The following ZC3H7B variants were observed in gnomAD, a reference collection of about 807,000 sequenced individuals.
ZC3H7B encodes zinc finger CCCH domain-containing protein 7B.
In ZC3H7B, 35 loss-of-function variants were observed where a neutral mutation model predicts 116.0. The ratio of observed to expected loss-of-function variants is 0.30; its 90% CI spans 0.23 to 0.40. The LOEUF (loss-of-function observed/expected upper bound fraction) is 0.40. Among genes scored for constraint, ZC3H7B ranks in the 10% least tolerant of loss-of-function variants. ZC3H7B has a pLI of 1.00. For missense variants in ZC3H7B, 1,011 were observed against 1,321.5 expected, an observed-to-expected ratio of 0.77 and a Z score of 3.64; for synonymous variants, 502 against 545.6, an observed-to-expected ratio of 0.92 and a Z score of 1.11.
At chr22:41,317,381 C>A (rs1325956063) in intron 1 of ZC3H7B, among the ~76,000 whole-genome samples, 1 of 152,088 alleles carries the variant, frequency 6.6e-6, no homozygotes. Context: ...TGAATCATAA[C>A]CTGATTTAAC....
intron 6 of ZC3H7B, among the ~76,000 whole-genome samples, chr22:41,330,531 C>T (rs775024063): frequency 1.3e-5 from 2 of 152,214 alleles, no homozygotes; most frequent in East Asian, 1.9e-4. Flanking sequence ...ACTCGTGACT[C>T]GAGTCTCTGC....
Position 41,349,442 on chromosome 22 carries a change from A to G in ZC3H7B, c.1948+141A>G. The G allele has an allele frequency of 8.9e-7, 1 of 1,127,084 alleles. No homozygotes were observed. The highest frequency in any genetic ancestry group is 2.6e-5 in the East Asian group (1 of 38,648). 69.8% of individuals were successfully genotyped at this position (1,127,084 alleles called of 1,614,324 possible). On this transcript the variant is annotated intron_variant, in intron 16 of 22. Transcript: ENST00000352645. The surrounding 1 kb of genome is among the most constrained non-coding windows in gnomAD (Gnocchi z 4.9). ...AGGGGGCTTCGGGAGAGTTCAGGAG[A>G]GGTGGCTGCGGGGTGGGCTCTCTGT... is the stretch of plus-strand genomic sequence containing the variant.
chr22:41,337,416 C>T (rs1338886868), intron 7 of ZC3H7B, among the ~76,000 whole-genome samples: 1 of 152,126 alleles, frequency 6.6e-6, no homozygotes, highest in Non-Finnish European at 1.5e-5. Flanking sequence ...TCATTTCATC[C>T]TGATAGCCTT....
intron 1 of ZC3H7B, among the ~76,000 whole-genome samples, chr22:41,312,415 A>G (rs1314667716): frequency 6.8e-6 from 1 of 147,642 alleles, no homozygotes; most frequent in Non-Finnish European, 1.5e-5. Context: ...CAGCCTGGGC[A>G]ACAGAGTGAG....
intron 1 of ZC3H7B, among the ~76,000 whole-genome samples, chr22:41,304,002 C>T (rs914237067): frequency 6.6e-6 from 1 of 152,204 alleles, no homozygotes; most frequent in South Asian, 2.1e-4. Context: ...CGTGATCCAG[C>T]CACTTCGGCC....
intron 1 of ZC3H7B, among the ~76,000 whole-genome samples, chr22:41,303,622 T>C (rs1256569542): frequency 2.0e-5 from 3 of 152,230 alleles, no homozygotes; most frequent in African/African-American, 7.2e-5. Flanking sequence ...TAAGAAACCT[T>C]AGGCCGAATT....
At chr22:41,353,709 G>A (rs1021213024) in intron 17 of ZC3H7B, among the ~76,000 whole-genome samples, 5 of 152,196 alleles carry the variant, frequency 3.3e-5, no homozygotes, top group African/African-American at 7.2e-5. Context: ...GCAGGCTGCC[G>A]GGGGGTCCCT....
At chr22:41,355,901 G>A in intron 19 of ZC3H7B, 39 bp downstream of exon 19, 1 of 1,610,854 alleles carries the variant, frequency 6.2e-7, no homozygotes, top group Non-Finnish European at 8.5e-7. Flanking sequence ...CCCCCAGGAG[G>A]CAGCGATGCT....
At chr22:41,328,993 C>A (rs1044149975) in intron 5 of ZC3H7B, among the ~76,000 whole-genome samples, 4 of 147,882 alleles carry the variant, frequency 2.7e-5, no homozygotes, top group African/African-American at 1.0e-4. Flanking sequence ...TCAAGACCAG[C>A]CTGGCCAACA....
Position 41,346,876 on chromosome 22 carries a change from T to C in ZC3H7B, c.1665+668T>C, listed in dbSNP as rs1200613460. On this transcript the variant is annotated intron_variant, in intron 14 of 22. Transcript: ENST00000352645. This position sits in a 1 kb window ranked among gnomAD's most constrained non-coding sequence, Gnocchi z 5.3. ...TACTCAGGAGGCTAAGGTGGGAGGA[T>C]TGATTGCTTGCGTCCAGGAGGTAGA... 6.6e-6 allele frequency among the ~76,000 whole-genome samples: 1 copy of C among 151,468 alleles called. No individual in the cohort carries two copies. Among genetic ancestry groups the C allele is most frequent in the African/African-American group, 2.4e-5 (1 of 41,160 alleles).
At chr22:41,320,594 T>C in intron 1 of ZC3H7B, 61 bp from the exon 2 acceptor site, 1 of 1,594,812 alleles carries the variant, frequency 6.3e-7, no homozygotes, top group South Asian at 1.1e-5. Context: ...CACGAAGTGG[T>C]GGTGGCTGAC....
chr22:41,357,416 C>G lies in ZC3H7B; in HGVS notation c.2921C>G (p.Thr974Ser). 1 of 1,612,994 alleles carries G rather than the reference C, an allele frequency of 6.2e-7. No homozygotes were observed. The highest frequency in any genetic ancestry group is 1.1e-5 in the South Asian group (1 of 91,060). Residue 974 changes from threonine (T) to serine (S), a missense_variant, in exon 23 of 23, where the codon ACC (threonine) becomes AGC (serine). Physicochemically the swap from Thr to Ser is moderately conservative, Grantham distance 58 (BLOSUM62 1). This residue lies in a region of ZC3H7B where 406 missense variants were observed against 590.2 expected (regional missense o/e 0.69). Coordinates refer to ENST00000352645, the MANE Select transcript of ZC3H7B (RefSeq NM_017590.6). This position sits in a 1 kb window ranked among gnomAD's most constrained non-coding sequence, Gnocchi z 5.4. ...GCCCCTGCTGCTGCTGCCACCGCCA[C>G]CACTGGGGAGTAGGGCCAGGTGTTG... ...PEAPAAAATA[T>S]TGE
intron 1 of ZC3H7B, among the ~76,000 whole-genome samples, chr22:41,309,154 G>A (rs1238559524): frequency 6.6e-6 from 1 of 151,796 alleles, no homozygotes; most frequent in Non-Finnish European, 1.5e-5. Flanking sequence ...TGGGACTACA[G>A]GCGTGCGCCA....
intron 5 of ZC3H7B, 57 bp from the exon 6 acceptor site, chr22:41,329,966 C>A: frequency 6.3e-7 from 1 of 1,588,908 alleles, no homozygotes; most frequent in Non-Finnish European, 8.6e-7. Context: ...TGTCCAGGAG[C>A]ACAGCTTTGT....
intron 7 of ZC3H7B, among the ~76,000 whole-genome samples, chr22:41,337,560 T>TG (rs1164394265): frequency 1.3e-5 from 2 of 152,142 alleles, no homozygotes; most frequent in Admixed American, 6.5e-5. Flanking sequence ...CTCTGCTTCC[T>TG]GGGGGGCCTG....
intron 1 of ZC3H7B, among the ~76,000 whole-genome samples, chr22:41,313,279 A>C (rs184373088): frequency 6.6e-6 from 1 of 151,702 alleles, no homozygotes; most frequent in Admixed American, 6.6e-5. Context: ...CCACCACGCC[A>C]GGCTAATTTT....
intron 7 of ZC3H7B, 47 bp downstream of exon 7, chr22:41,332,274 A>T (rs1327704993): frequency 1.9e-6 from 3 of 1,608,780 alleles, no homozygotes; most frequent in Non-Finnish European, 2.6e-6. Context: ...CCATTATGAG[A>T]GGTTTGGATT....
rs1461374726 is a variant in ZC3H7B at position 41,329,032 on chromosome 22, A to C, written c.445-991A>C. Among the ~76,000 whole-genome samples the C allele has an allele frequency of 6.7e-5, 7 of 104,768 alleles. No individual in the cohort carries two copies. In the South Asian group the frequency reaches 1.6e-3, roughly 23 times the overall value. The allele number at this position is 104,768 out of a possible 152,430, so 68.7% of individuals were successfully genotyped here. A position where few individuals can be genotyped will look rare whatever the true frequency, so the allele number is the denominator to read the frequency against. On this transcript the variant is annotated intron_variant, in intron 5 of 22. Transcript: ENST00000352645. Reference sequence around the variant, plus strand: ...TGAAACCCTGTCTCTACTAAAATACAAAAAAAAAAAAAAAAAAAAAAAAAT... The same window carrying C: ...TGAAACCCTGTCTCTACTAAAATACCAAAAAAAAAAAAAAAAAAAAAAAAT...
At chr22:41,313,355 G>A (rs1409665012) in intron 1 of ZC3H7B, among the ~76,000 whole-genome samples, 1 of 152,050 alleles carries the variant, frequency 6.6e-6, no homozygotes, top group Non-Finnish European at 1.5e-5. Context: ...CTCGTGATCC[G>A]CCCACCTTGG....
Sources: allele counts gnomAD v4.1 joint callset (sites outside exome capture counted in the v4.1 genomes callset), GRCh38; gene constraint gnomAD v4.1.1; regional missense constraint gnomAD v4.1.1; non-coding constraint Gnocchi (gnomAD v3.1); transcripts MANE v1.5; gene names NCBI Gene and HGNC (gene_info 2026-07-23, HGNC 2026-07-21).